The following CDH13 variants were observed in gnomAD, a reference collection of about 807,000 sequenced individuals.
CDH13 encodes cadherin-13.
CDH13 carries 24 observed loss-of-function variants against 63.8 expected under a neutral mutation model. The ratio of observed to expected loss-of-function variants is 0.38; its 90% CI spans 0.27 to 0.53. The LOEUF (loss-of-function observed/expected upper bound fraction) is 0.53, where lower values mean the gene tolerates loss of function less well. Among genes scored for constraint, CDH13 ranks in the 20% least tolerant of loss-of-function variants. CDH13 has a pLI of 0.85. For missense variants in CDH13, 1,049 were observed against 903.1 expected (o/e 1.16, Z -2.07); for synonymous variants, 503 against 355.3 (o/e 1.42, Z -4.67).
chr16:82,898,452 G>T (rs1475430641), intron 2 of CDH13, among the ~76,000 whole-genome samples: 1 of 152,204 alleles, frequency 6.6e-6, no homozygotes, highest in Admixed American at 6.5e-5. Context: ...TTGAACCTGG[G>T]AGGCAGAGGT....
intron 2 of CDH13, among the ~76,000 whole-genome samples, chr16:82,915,279 C>T (rs1406313337): frequency 6.6e-6 from 1 of 152,198 alleles, no homozygotes; most frequent in African/African-American, 2.4e-5. Flanking sequence ...ATGTAACAGG[C>T]TAATGCATGC....
intron 1 of CDH13, among the ~76,000 whole-genome samples, chr16:82,703,142 G>T (rs567769856): frequency 6.6e-6 from 1 of 151,744 alleles, no homozygotes; most frequent in African/African-American, 2.4e-5. Context: ...TCAGATATTT[G>T]TGTATATATG....
intron 10 of CDH13, among the ~76,000 whole-genome samples, chr16:83,697,440 T>C (rs916155959): frequency 2.0e-5 from 3 of 152,244 alleles, no homozygotes; most frequent in Non-Finnish European, 4.4e-5. Flanking sequence ...GGCTGCGCCA[T>C]GCCTTACAGA....
At chr16:83,737,989 A>G (rs991006844) in intron 10 of CDH13, among the ~76,000 whole-genome samples, 25 of 152,230 alleles carry the variant, frequency 1.6e-4, no homozygotes, top group African/African-American at 4.3e-4. Context: ...AGTAATGTAT[A>G]TGAATACATA....
chr16:83,356,386 C>T (rs2091057807), intron 6 of CDH13, among the ~76,000 whole-genome samples: 1 of 152,078 alleles, frequency 6.6e-6, no homozygotes, highest in African/African-American at 2.4e-5. Flanking sequence ...AAGCCAGATT[C>T]TCCCCCTAGC....
intron 8 of CDH13, among the ~76,000 whole-genome samples, chr16:83,613,832 C>CA (rs201854445): frequency 5.2e-4 from 73 of 141,276 alleles, no homozygotes; most frequent in African/African-American, 1.4e-3. Flanking sequence ...GAGTCTGCCT[C>CA]AAAAAAAATT....
At chr16:83,404,568 C>G (rs867237524) in intron 6 of CDH13, among the ~76,000 whole-genome samples, 1 of 152,180 alleles carries the variant, frequency 6.6e-6, no homozygotes, top group South Asian at 2.1e-4. Context: ...TTAGTACTTT[C>G]TTTTTGTATA....
intron 8 of CDH13, among the ~76,000 whole-genome samples, chr16:83,617,033 C>A (rs1909342347): frequency 6.6e-6 from 1 of 152,186 alleles, no homozygotes; most frequent in Admixed American, 6.5e-5. Context: ...TTGTTACTTC[C>A]TCTTCCTTGT....
intron 2 of CDH13, chr16:82,859,155 G>A (rs1377541999): frequency 1.3e-5 from 2 of 152,200 alleles, no homozygotes; most frequent in Non-Finnish European, 2.9e-5. Context: ...TACAGTTTTA[G>A]TGCAATAGAA....
At chr16:83,664,430 G>T (rs1913741229) in intron 8 of CDH13, among the ~76,000 whole-genome samples, 1 of 151,870 alleles carries the variant, frequency 6.6e-6, no homozygotes, top group South Asian at 2.1e-4. Flanking sequence ...TTAAAACATT[G>T]AATGAGCTTT....
At chr16:83,558,837 G>T (rs1251254657) in intron 7 of CDH13, among the ~76,000 whole-genome samples, 5 of 152,174 alleles carry the variant, frequency 3.3e-5, no homozygotes, top group Non-Finnish European at 7.3e-5. Flanking sequence ...ACGTGGGTAG[G>T]TAGGAAAACT....
intron 1 of CDH13, among the ~76,000 whole-genome samples, chr16:82,848,930 G>A (rs565485152): frequency 1.3e-5 from 2 of 152,312 alleles, no homozygotes; most frequent in African/African-American, 4.8e-5. Flanking sequence ...TGCAAAGGAA[G>A]AGTTCCTGAA....
At chr16:83,191,458 A>AATATATAT (rs57044100) in intron 4 of CDH13, among the ~76,000 whole-genome samples, 153 of 80,558 alleles carry the variant, frequency 1.9e-3, no homozygotes, top group South Asian at 7.2e-3. Flanking sequence ...ACTAATAGGA[A>AATATATAT]ATATATATAT....
intron 1 of CDH13, among the ~76,000 whole-genome samples, chr16:82,852,718 G>A (rs531981238): frequency 6.6e-6 from 1 of 152,182 alleles, no homozygotes; most frequent in Non-Finnish European, 1.5e-5. Context: ...GTGTTTAACT[G>A]AATTGAGTGA....
chr16:82,709,151 G>A (rs1046617036), intron 1 of CDH13, among the ~76,000 whole-genome samples: 3 of 152,258 alleles, frequency 2.0e-5, no homozygotes, highest in South Asian at 2.1e-4. Flanking sequence ...AGTTTTCCAC[G>A]AATGAAGATG....
At chr16:83,196,939 G>T (rs2038895334) in intron 4 of CDH13, among the ~76,000 whole-genome samples, 1 of 152,094 alleles carries the variant, frequency 6.6e-6, no homozygotes, top group Non-Finnish European at 1.5e-5. Flanking sequence ...GCACTCCTAG[G>T]CGTTTATCCC....
chr16:82,996,063 A>G (rs1027160608), intron 2 of CDH13, among the ~76,000 whole-genome samples: 1 of 152,146 alleles, frequency 6.6e-6, no homozygotes, highest in Non-Finnish European at 1.5e-5. Flanking sequence ...TGTGCTTTAC[A>G]AGATTAAAAG....
chr16:82,826,976 C>T (rs1597721224), intron 1 of CDH13, among the ~76,000 whole-genome samples: 1 of 152,116 alleles, frequency 6.6e-6, no homozygotes, highest in Non-Finnish European at 1.5e-5. Context: ...AGGAAAATGC[C>T]ACACGGCTGG....
intron 2 of CDH13, among the ~76,000 whole-genome samples, chr16:82,896,866 C>T (rs976119238): frequency 6.8e-5 from 10 of 147,850 alleles, no homozygotes; most frequent in African/African-American, 1.5e-4. Context: ...CTGCAAGCTC[C>T]GCCTCCCAGG....
Sources: allele counts gnomAD v4.1 joint callset (sites outside exome capture counted in the v4.1 genomes callset), GRCh38; gene constraint gnomAD v4.1.1; transcripts MANE v1.5; gene names NCBI Gene and HGNC (gene_info 2026-07-23, HGNC 2026-07-21).